ADARB2: variants seen among roughly 807,000 people sequenced by gnomAD.
ADARB2 encodes the protein adenosine deaminase RNA specific B2 (inactive).
In ADARB2, 25 loss-of-function variants were observed where a neutral mutation model predicts 62.2. That is an observed-to-expected ratio of 0.40 (90% CI 0.29 to 0.56). The LOEUF (loss-of-function observed/expected upper bound fraction) is 0.56. Among genes scored for constraint, ADARB2 ranks in the 20% least tolerant of loss-of-function variants. The pLI, the probability that ADARB2 is intolerant of heterozygous loss-of-function variation, is 0.43. For missense variants in ADARB2, 1,071 were observed against 1,077.4 expected (o/e 0.99, Z 0.08); for synonymous variants, 572 against 500.8 (o/e 1.14, Z -1.90).
At chr10:1,196,271 C>T (rs1836910973) in intron 8 of ADARB2, among the ~76,000 whole-genome samples, 1 of 145,638 alleles carries the variant, frequency 6.9e-6, no homozygotes, top group Admixed American at 7.0e-5. Flanking sequence ...TACTGGAATG[C>T]AATCACCCTG....
chr10:1,544,956 TAC>T (rs1554770300), intron 1 of ADARB2, among the ~76,000 whole-genome samples: 1,700 of 133,924 alleles, frequency 0.013, 22 homozygotes, highest in Middle Eastern at 0.035. Context: ...TAGCAAAGTA[TAC>T]ACACACACAC....
intron 3 of ADARB2, among the ~76,000 whole-genome samples, chr10:1,351,713 A>G (rs1316880897): frequency 6.6e-6 from 1 of 151,950 alleles, no homozygotes; most frequent in Non-Finnish European, 1.5e-5. Context: ...ACCCCACTCA[A>G]TGCCAATATC....
At chr10:1,394,433 C>G (rs10903440) in intron 1 of ADARB2, among the ~76,000 whole-genome samples, 38,389 of 152,146 alleles carry the variant, frequency 0.25, 5,250 homozygotes, top group Middle Eastern at 0.4. Flanking sequence ...TGGTGTTTCT[C>G]TGCTCCACAG....
At chr10:1,206,275 G>A (rs148145748) in intron 7 of ADARB2, among the ~76,000 whole-genome samples, 138 of 152,278 alleles carry the variant, frequency 9.1e-4, no homozygotes, top group Non-Finnish European at 1.5e-3. Flanking sequence ...TCCTTAAGCC[G>A]GCTACCTGCG....
chr10:1,425,029 T>C (rs949516544), intron 1 of ADARB2, among the ~76,000 whole-genome samples: 3 of 152,212 alleles, frequency 2.0e-5, no homozygotes, highest in African/African-American at 7.2e-5. Context: ...GTGAGTCTCT[T>C]CTAACGCACG....
chr10:1,420,381 T>C (rs936039970), intron 1 of ADARB2, among the ~76,000 whole-genome samples: 1 of 152,200 alleles, frequency 6.6e-6, no homozygotes, highest in Non-Finnish European at 1.5e-5. Flanking sequence ...GAAAATAATA[T>C]GATCAGATCC....
intron 3 of ADARB2, among the ~76,000 whole-genome samples, chr10:1,343,457 A>G (rs1427153904): frequency 6.6e-6 from 1 of 152,232 alleles, no homozygotes; most frequent in Non-Finnish European, 1.5e-5. Flanking sequence ...TGTGGAAAGC[A>G]ATTTGGCAAA....
At chr10:1,425,899 A>C (rs187161786) in intron 1 of ADARB2, among the ~76,000 whole-genome samples, 1 of 152,320 alleles carries the variant, frequency 6.6e-6, no homozygotes, top group Admixed American at 6.5e-5. Flanking sequence ...ACTGCAACTC[A>C]GTGGTCAGAG....
intron 7 of ADARB2, among the ~76,000 whole-genome samples, chr10:1,209,831 C>G (rs1218904430): frequency 6.6e-6 from 1 of 152,224 alleles, no homozygotes; most frequent in African/African-American, 2.4e-5. Context: ...GAAGCCCACA[C>G]AGAGGACGGA....
intron 1 of ADARB2, among the ~76,000 whole-genome samples, chr10:1,526,482 C>T (rs1832144537): frequency 6.6e-6 from 1 of 152,172 alleles, no homozygotes; most frequent in African/African-American, 2.4e-5. Flanking sequence ...TATCTTGGTG[C>T]TGTCCTCCTG....
chr10:1,480,473 C>T (rs564442836), intron 1 of ADARB2, among the ~76,000 whole-genome samples: 37 of 152,238 alleles, frequency 2.4e-4, no homozygotes, highest in African/African-American at 7.9e-4. Flanking sequence ...CCAAGGCGGG[C>T]GGGTCACTAG....
chr10:1,508,165 T>A (rs561797799), intron 1 of ADARB2, among the ~76,000 whole-genome samples: 1 of 152,132 alleles, frequency 6.6e-6, no homozygotes, highest in Non-Finnish European at 1.5e-5. Context: ...GGTGTTGGCG[T>A]TGGATGAATA....
At chr10:1,406,999 C>T (rs926729267) in intron 1 of ADARB2, among the ~76,000 whole-genome samples, 2 of 152,240 alleles carry the variant, frequency 1.3e-5, no homozygotes, top group African/African-American at 2.4e-5. Flanking sequence ...GATCTGGGCC[C>T]TGGGGGATGC....
intron 3 of ADARB2, among the ~76,000 whole-genome samples, chr10:1,333,754 G>A (rs1407519430): frequency 2.6e-5 from 4 of 152,164 alleles, no homozygotes; most frequent in East Asian, 1.9e-4. Context: ...CTGTGGGGCC[G>A]ATGGTGAGAG....
At chr10:1,637,234 A>T (rs1050800376) in intron 1 of ADARB2, among the ~76,000 whole-genome samples, 5 of 144,322 alleles carry the variant, frequency 3.5e-5, no homozygotes, top group African/African-American at 2.5e-5. Context: ...TTCTGCCGTG[A>T]TGATGTAAAT....
At chr10:1,186,197 G>A (rs532944808) in intron 8 of ADARB2, among the ~76,000 whole-genome samples, 1 of 152,256 alleles carries the variant, frequency 6.6e-6, no homozygotes, top group African/African-American at 2.4e-5. Context: ...GCTATGGGAC[G>A]CCAGAGGCAG....
chr10:1,481,547 A>T (rs1831470423), intron 1 of ADARB2, among the ~76,000 whole-genome samples: 1 of 152,232 alleles, frequency 6.6e-6, no homozygotes, highest in Admixed American at 6.5e-5. Context: ...TGCAAATCAT[A>T]TATTTGATGA....
intron 2 of ADARB2, among the ~76,000 whole-genome samples, chr10:1,367,998 C>T (rs1271576263): frequency 6.6e-6 from 1 of 152,214 alleles, no homozygotes; most frequent in Non-Finnish European, 1.5e-5. Context: ...CCTGGACACA[C>T]CAGCTGGGCC....
At chr10:1,420,933 C>A (rs1490042429) in intron 1 of ADARB2, among the ~76,000 whole-genome samples, 21 of 152,068 alleles carry the variant, frequency 1.4e-4, no homozygotes, top group Admixed American at 1.3e-3. Context: ...CCAATGAAAG[C>A]GAAATGTTCC....
Sources: allele counts gnomAD v4.1 joint callset (sites outside exome capture counted in the v4.1 genomes callset), GRCh38; gene constraint gnomAD v4.1.1; transcripts MANE v1.5; gene names NCBI Gene and HGNC (gene_info 2026-07-23, HGNC 2026-07-21).